Variants in USP30 observed in about 807,000 individuals in gnomAD.
USP30 encodes ubiquitin carboxyl-terminal hydrolase 30.
Under a neutral mutation model 68.2 loss-of-function variants are expected in USP30, and 41 were observed. That is an observed-to-expected ratio of 0.60 (90% CI 0.47 to 0.78). The LOEUF is 0.78. Ranked by LOEUF, USP30 falls within the 30% of genes least tolerant of loss-of-function variation. The pLI is 0.00. For missense variants in USP30, 522 were observed against 649.4 expected (o/e 0.80, Z 2.13); for synonymous variants, 229 against 253.7 (o/e 0.90, Z 0.93).
intron 7 of USP30, among the ~76,000 whole-genome samples, chr12:109,078,578 G>A (rs1385106877): frequency 8.7e-5 from 13 of 149,418 alleles, no homozygotes; most frequent in Non-Finnish European, 1.2e-4. Flanking sequence ...CAGCCTGGGC[G>A]ACAAAGCGAG....
chr12:109,052,639 G>A lies in USP30; in HGVS notation c.-40G>A. 6.8e-7 allele frequency: 1 copy of A among 1,461,928 alleles called. No homozygotes were observed. The highest frequency in any genetic ancestry group is 9.0e-7 in the Non-Finnish European group (1 of 1,113,544). The allele number at this position is 1,461,928 out of a possible 1,614,324, so 90.6% of individuals were successfully genotyped here. On this transcript the variant is annotated 5_prime_UTR_variant, in exon 1 of 13. Transcript: ENST00000257548. ...CCTCGGTCCGGCGGCGGCGGCGGCG[G>A]TAGCGGAGGAGACGGTTTCAGGCCT... is the stretch of plus-strand genomic sequence containing the variant.
intron 3 of USP30, among the ~76,000 whole-genome samples, chr12:109,037,347 TC>T (rs1566076611): frequency 6.6e-6 from 1 of 152,224 alleles, no homozygotes. Flanking sequence ...GATCTTTATG[TC>T]TAAATTCCTT....
At chr12:109,057,872 G>T (rs2040923772) in intron 2 of USP30, 54 bp from the exon 3 acceptor site, 3 of 1,553,888 alleles carry the variant, frequency 1.9e-6, no homozygotes, top group Middle Eastern at 1.7e-4. Flanking sequence ...ACATGGGAGA[G>T]AAATTGATCA....
At chr12:109,048,931 T>G (rs970802046), upstream of USP30, among the ~76,000 whole-genome samples, 20 of 152,116 alleles carry the variant, frequency 1.3e-4, no homozygotes, top group Non-Finnish European at 2.8e-4. Flanking sequence ...TTAAGGCTGG[T>G]CAGCTGTTGT....
At position 109,033,194 on chromosome 12, in the gene USP30, C is replaced by T. The variant is rs562004999; in HGVS notation, c.-136+5638C>T. Reference sequence around the variant, plus strand: ...GAGTCAAATAAAATATAGAGGTGAACCTCTAAACTTAAAACATGTTATTTG... The same window carrying T: ...GAGTCAAATAAAATATAGAGGTGAATCTCTAAACTTAAAACATGTTATTTG... On this transcript the variant is annotated intron_variant, in intron 3 of 15. Transcript: ENST00000392784. 2.0e-5 allele frequency among the ~76,000 whole-genome samples: 3 copies of T among 152,172 alleles called. No individual in the cohort carries two copies. In the South Asian group the frequency reaches 6.2e-4, roughly 32 times the overall value.
intron 7 of USP30, among the ~76,000 whole-genome samples, chr12:109,078,555 C>A (rs1419582640): frequency 1.3e-5 from 2 of 151,400 alleles, no homozygotes; most frequent in South Asian, 2.1e-4. Flanking sequence ...GCCGAGATCA[C>A]ACCACTGCAT....
Position 109,071,632 on chromosome 12 carries a change from T to C in USP30, c.501T>C (p.His167=). The C allele has an allele frequency of 6.2e-7, 1 of 1,614,214 alleles. No homozygotes were observed. The highest frequency in any genetic ancestry group is 8.5e-7 in the Non-Finnish European group (1 of 1,180,028). The part of the protein sequence containing the change: ...FEEQDAHELF[H]VITSSLEDER... Reference sequence around the variant, plus strand: ...GACAGGATGCTCACGAATTATTCCATGTCATTACCTCGTCATTGGAAGATG... The same window carrying C: ...GACAGGATGCTCACGAATTATTCCACGTCATTACCTCGTCATTGGAAGATG... Residue 167 remains histidine, a synonymous_variant, in exon 5 of 13, where the codon CAT becomes CAC. Transcript: ENST00000257548.
chr12:109,086,007 G>T lies in USP30; in HGVS notation c.*76G>T, dbSNP rs749963128. 1 of 1,501,178 alleles carries T rather than the reference G, an allele frequency of 6.7e-7. No individual in the cohort carries two copies. The highest frequency in any genetic ancestry group is 2.1e-5 in the Admixed American group (1 of 48,228). 93.0% of individuals were successfully genotyped at this position (1,501,178 alleles called of 1,614,324 possible). On this transcript the variant is annotated 3_prime_UTR_variant, in exon 13 of 13. Coordinates refer to ENST00000257548, the MANE Select transcript of USP30 (RefSeq NM_032663.5). ...GAAAAAAGTAAAACTGTACTGTTGC[G>T]TGTGCAAGCGGCCCCACTAGAGCCT...
chr12:109,062,258 T>C (rs2041093149), intron 3 of USP30, among the ~76,000 whole-genome samples: 1 of 151,840 alleles, frequency 6.6e-6, no homozygotes, highest in East Asian at 1.9e-4. Flanking sequence ...GTTCTGTTGG[T>C]GATTTACATG....
intron 4 of USP30, among the ~76,000 whole-genome samples, chr12:109,068,451 C>G (rs1387106623): frequency 1.3e-5 from 2 of 152,096 alleles, no homozygotes; most frequent in African/African-American, 4.8e-5. Context: ...TAAAGGTGTT[C>G]TCTTGTTTTT....
intron 7 of USP30, among the ~76,000 whole-genome samples, chr12:109,075,671 T>C (rs1371820864): frequency 2.6e-5 from 4 of 152,206 alleles, no homozygotes; most frequent in African/African-American, 9.6e-5. Flanking sequence ...ATTTTGGTAA[T>C]AGCCATCCTA....
chr12:109,045,142 C>A (rs1187020646), intron 3 of USP30, among the ~76,000 whole-genome samples: 1 of 152,026 alleles, frequency 6.6e-6, no homozygotes, highest in East Asian at 1.9e-4. Context: ...CCATGCCTGG[C>A]TAATTTTTGT....
At position 109,081,950 on chromosome 12, in the gene USP30, G is replaced by A; in HGVS notation, c.798G>A (p.Leu266=). 1 of 1,614,216 alleles carries A rather than the reference G, an allele frequency of 6.2e-7. No homozygotes were observed. The highest frequency in any genetic ancestry group is 8.5e-7 in the Non-Finnish European group (1 of 1,180,036). The change falls in exon 9 of 13, where the codon CTG becomes CTA. Residue 266 remains leucine (L), a synonymous_variant. Transcript: ENST00000257548. ...TGCTGTAGGGTCACCCATTGACCCTGGACCACTGCCTTCACCACTTCATCT... is the reference window on the plus strand; with the variant it reads ...TGCTGTAGGGTCACCCATTGACCCTAGACCACTGCCTTCACCACTTCATCT... ...PAATWGHPLT[L]DHCLHHFISS...
chr12:109,052,703 G>A lies in USP30; in HGVS notation c.25G>A (p.Ala9Thr), dbSNP rs1278037898. 1.5e-5 allele frequency: 22 copies of A among 1,485,312 alleles called. No homozygotes were observed. The highest frequency in any genetic ancestry group is 2.7e-5 in the East Asian group (1 of 36,768). 92.0% of individuals were successfully genotyped at this position (1,485,312 alleles called of 1,614,324 possible). ...AATGCTGAGCTCCCGGGCCGAGGCG[G>A]CGATGACCGCGGCCGACAGGGCCAT... MLSSRAEA[A>T]MTAADRAIQR... Residue 9 changes from alanine (A) to threonine (T), a missense_variant, in exon 1 of 13, where the codon GCG becomes ACG. Coordinates refer to ENST00000257548, the MANE Select transcript of USP30 (RefSeq NM_032663.5).
At chr12:109,025,450 A>C (rs985493289) in intron 2 of USP30, among the ~76,000 whole-genome samples, 1 of 152,076 alleles carries the variant, frequency 6.6e-6, no homozygotes, top group East Asian at 1.9e-4. Context: ...CCCAGCCCCC[A>C]AATCAATATC....
intron 11 of USP30, 24 bp downstream of exon 11, chr12:109,083,086 G>T: frequency 6.4e-7 from 1 of 1,562,982 alleles, no homozygotes; most frequent in East Asian, 2.2e-5. Context: ...AGGAGCCGAT[G>T]CAGCAGGAAT....
intron 7 of USP30, among the ~76,000 whole-genome samples, chr12:109,075,052 T>C (rs1027987691): frequency 4.6e-5 from 7 of 152,238 alleles, no homozygotes; most frequent in African/African-American, 1.4e-4. Context: ...GACTTCCTTT[T>C]TGATGGCTGA....
At chr12:109,081,625 A>T in intron 8 of USP30, 1 of 194,480 alleles carries the variant, frequency 5.1e-6, no homozygotes, top group Middle Eastern at 1.0e-3. Flanking sequence ...GCATGCGCGC[A>T]CACACACACA....
intron 3 of USP30, among the ~76,000 whole-genome samples, chr12:109,060,727 T>C (rs1339986318): frequency 6.6e-6 from 1 of 152,150 alleles, no homozygotes. Flanking sequence ...GGATCTCGGC[T>C]CACTGCAACC....
Sources: allele counts gnomAD v4.1 joint callset (sites outside exome capture counted in the v4.1 genomes callset), GRCh38; gene constraint gnomAD v4.1.1; transcripts MANE v1.5; gene names NCBI Gene and HGNC (gene_info 2026-07-23, HGNC 2026-07-21).